Variants in PLXNA3 observed in about 807,000 individuals in gnomAD.
PLXNA3 encodes the protein plexin-A3.
PLXNA3 carries 52 observed loss-of-function variants against 118.8 expected under a neutral mutation model. The observed-to-expected ratio is 0.44, with a 90% CI of 0.35 to 0.55. The LOEUF (loss-of-function observed/expected upper bound fraction) is 0.55, where lower values mean the gene tolerates loss of function less well. PLXNA3 is among the 20% of genes least tolerant of loss of function. The pLI, the probability that PLXNA3 is intolerant of heterozygous loss-of-function variation, is 0.01. For synonymous variants in PLXNA3, 925 were observed against 762.4 expected, an observed-to-expected ratio of 1.21 and a Z score of -3.51; for missense variants, 1,660 against 1,730.8, an observed-to-expected ratio of 0.96 and a Z score of 0.73.
At position 154,470,745 on chromosome X, in the gene PLXNA3, CTGACGG is replaced by C. The variant is rs1427963348; in HGVS notation, c.5156+137_5156+142del. On this transcript the variant is annotated intron_variant, in intron 30 of 32. Transcript: ENST00000369682. ...AATGAGGCCTGGCCTGGGGTTGACA[CTGACGG>C]TGCCATCAAGCCAAGGGGCCTGTTG... is the stretch of plus-strand genomic sequence containing the variant. The C allele has an allele frequency of 1.2e-4, 72 of 604,575 alleles. No individual in the cohort carries two copies. The East Asian group carries it at 2.4e-3, about 20-fold the overall frequency. The allele number at this position is 604,575 out of a possible 1,213,427, so 49.8% of individuals were successfully genotyped here. A position where few individuals can be genotyped will look rare whatever the true frequency, so the allele number is the denominator to read the frequency against.
Position 154,467,217 on chromosome X carries a change from C to T in PLXNA3, c.3202-15C>T, listed in dbSNP as rs782346575. 5.0e-6 allele frequency: 6 copies of T among 1,210,421 alleles called. No individual in the cohort carries two copies. Among genetic ancestry groups the T allele is most frequent in the African/African-American group, 1.7e-5 (1 of 57,973 alleles). ...ATGGCTTCACGTGCCTGGCTGTCCA[C>T]CTTTGTCCCCACAGACATGCCAAGT... On this transcript the variant is annotated splice_polypyrimidine_tract_variant and intron_variant, in intron 18 of 32. Coordinates refer to ENST00000369682, the MANE Select transcript of PLXNA3 (RefSeq NM_017514.5).
chrX:154,464,194 C>G lies in PLXNA3; in HGVS notation c.1709C>G (p.Ala570Gly), dbSNP rs782557318. 4 of 1,209,051 alleles carry G rather than the reference C, an allele frequency of 3.3e-6. No homozygotes were observed. ...CTGCACAACGTGCCAGACCTCAGTGCGGGCGTGAGCTGCGCCTTCGAGGCG... is the reference window on the plus strand; with the variant it reads ...CTGCACAACGTGCCAGACCTCAGTGGGGGCGTGAGCTGCGCCTTCGAGGCG... Reference protein sequence around the residue: ...VTLHNVPDLSAGVSCAFEAAA... With the variant: ...VTLHNVPDLSGGVSCAFEAAA... Residue 570 changes from alanine to glycine, a missense_variant, in exon 8 of 33, where the codon GCG (alanine) becomes GGG (glycine). Physicochemically the swap from Ala to Gly is moderately conservative, Grantham distance 60 (BLOSUM62 0). Coordinates refer to ENST00000369682, the MANE Select transcript of PLXNA3 (RefSeq NM_017514.5).
rs782327650 is a variant in PLXNA3, at chrX:154,465,240, C to G, written c.2244+22C>G. On this transcript the variant is annotated intron_variant, in intron 11 of 32. Transcript: ENST00000369682. ...CTCGGTGAGGTCCCACCCGCTGCCT[C>G]CCTTCGGGGTCTGGGCTGTGGCGTG... 17 of 1,177,966 alleles carry G rather than the reference C, an allele frequency of 1.4e-5. No homozygotes were observed. In the South Asian group the frequency reaches 2.7e-4, roughly 19 times the overall value.
rs782073126 is a variant in PLXNA3, at chrX:154,468,976, G to A, written c.4434+7G>A. On this transcript the variant is annotated splice_region_variant and intron_variant, in intron 25 of 32. Transcript: ENST00000369682. ...GATCGACTACAAGACACTGGTGAGC[G>A]CAGGGCCAGGCGGGCCAGAGGTAGG... 9.9e-6 allele frequency: 12 copies of A among 1,209,811 alleles called. No homozygotes were observed. The South Asian group carries it at 1.1e-4, about 11-fold the overall frequency.
chrX:154,471,294 C>T lies in PLXNA3; in HGVS notation c.5346C>T (p.Pro1782=). The change falls in exon 31 of 33, where the codon CCC becomes CCT. Residue 1782 remains proline (P), a synonymous_variant. Transcript: ENST00000369682. ...AACTGCTCTACGCCAAGGACATCCC[C>T]AACTACAAGAGCTGGGTGGAGAGGT... ...SNKLLYAKDI[P]NYKSWVERYY... is the part of the protein sequence containing the mutation. 8.3e-7 allele frequency: 1 copy of T among 1,211,068 alleles called. No individual in the cohort carries two copies. The highest frequency in any genetic ancestry group is 1.7e-5 in the African/African-American group (1 of 57,834).
intron 17 of PLXNA3, 60 bp from the exon 18 acceptor site, chrX:154,466,997 T>C: frequency 9.6e-7 from 1 of 1,045,841 alleles, no homozygotes; most frequent in Non-Finnish European, 1.3e-6. Context: ...CCTTGATCGC[T>C]CTCCAGGGCT....
rs369832446 is a variant in PLXNA3 at position 154,472,817 on chromosome X, C to T, written c.*132C>T. 2 of 480,922 alleles carry T rather than the reference C, an allele frequency of 4.2e-6. No individual in the cohort carries two copies. The highest frequency in any genetic ancestry group is 2.3e-5 in the African/African-American group (1 of 42,624). 39.6% of individuals were successfully genotyped at this position (480,922 alleles called of 1,213,427 possible). A position where few individuals can be genotyped will look rare whatever the true frequency, so the allele number is the denominator to read the frequency against. ...ATCGTGGGGCAGGTCACCCTGGCCA[C>T]GATGCCCCCGGCACACCCAGGCCCC... On this transcript the variant is annotated 3_prime_UTR_variant, in exon 33 of 33. Transcript: ENST00000369682.
Position 154,470,398 on chromosome X carries a change from C to T in PLXNA3, c.4987-44C>T, listed in dbSNP as rs367953752. 47 of 1,167,201 alleles carry T rather than the reference C, an allele frequency of 4.0e-5. No homozygotes were observed. In the Middle Eastern group the frequency reaches 1.9e-3, roughly 47 times the overall value. ...CATCTGTCCTGCTCTGGGGACATCC[C>T]AACCTGGCTCCCTCATAGCCTGTGA... On this transcript the variant is annotated intron_variant, in intron 29 of 32. Coordinates refer to ENST00000369682, the MANE Select transcript of PLXNA3 (RefSeq NM_017514.5).
Position 154,461,167 on chromosome X carries a change from C to T in PLXNA3, c.663C>T (p.Ala221=), listed in dbSNP as rs782352355. ...IPSDTLSLYP[A]FDIYYIYGFV... Reference sequence around the variant, plus strand: ...CAGACACGCTGTCCTTGTACCCTGCCTTTGACATCTACTACATCTACGGCT... The same window carrying T: ...CAGACACGCTGTCCTTGTACCCTGCTTTTGACATCTACTACATCTACGGCT... Residue 221 remains alanine (A), a synonymous_variant, in exon 3 of 33, where the codon GCC becomes GCT. Coordinates refer to ENST00000369682, the MANE Select transcript of PLXNA3 (RefSeq NM_017514.5). 13 of 1,211,022 alleles carry T rather than the reference C, an allele frequency of 1.1e-5. No homozygotes were observed. The Admixed American group carries it at 1.3e-4, about 12-fold the overall frequency.
chrX:154,471,000 TG>T, intron 30 of PLXNA3, 104 bp from the exon 31 acceptor site: 1 of 624,348 alleles, frequency 1.6e-6, no homozygotes, highest in Non-Finnish European at 2.6e-6. Context: ...TCACCACCTC[TG>T]GACAAGATGT....
chrX:154,467,014 G>A (rs1557207388), intron 17 of PLXNA3, 43 bp from the exon 18 acceptor site: 10 of 1,096,441 alleles, frequency 9.1e-6, no homozygotes, highest in African/African-American at 1.8e-5. Context: ...GGCTGGGTGG[G>A]TGCACTGGAG....
chrX:154,460,089 G>T, intron 1 of PLXNA3, 68 bp from the exon 2 acceptor site: 1 of 586,188 alleles, frequency 1.7e-6, no homozygotes, highest in Non-Finnish European at 2.7e-6. Context: ...CTTTGGCGGG[G>T]TGGTGGGTGA....
chrX:154,474,414 T>G lies in PLXNA3; in HGVS notation c.*1729T>G, dbSNP rs1557210481. ...CCTCACCCCTCAGCCTCCCAAAGTA[T>G]TGGGATTACAGGCATGAGCCACTGT... is the stretch of plus-strand genomic sequence containing the variant. On this transcript the variant is annotated 3_prime_UTR_variant, in exon 33 of 33. Coordinates refer to ENST00000369682, the MANE Select transcript of PLXNA3 (RefSeq NM_017514.5). The G allele has an allele frequency of 9.3e-6, 1 of 107,741 alleles. No individual in the cohort carries two copies. Among genetic ancestry groups the G allele is most frequent in the Non-Finnish European group, 1.9e-5 (1 of 51,910 alleles). 8.9% of individuals were successfully genotyped at this position (107,741 alleles called of 1,213,427 possible).
chrX:154,461,355 G>C lies in PLXNA3; in HGVS notation c.851G>C (p.Trp284Ser). The C allele has an allele frequency of 8.3e-7, 1 of 1,212,010 alleles. No homozygotes were observed. The highest frequency in any genetic ancestry group is 1.1e-6 in the Non-Finnish European group (1 of 895,592). ...SYVEFPIGCS[W>S]RGVEYRLVQS... Reference sequence around the variant, plus strand: ...GTGGAATTCCCCATCGGCTGCTCCTGGCGCGGCGTGGAGTACCGCTTGGTG... The same window carrying C: ...GTGGAATTCCCCATCGGCTGCTCCTCGCGCGGCGTGGAGTACCGCTTGGTG... Residue 284 changes from tryptophan (W) to serine (S), a missense_variant, in exon 3 of 33, where the codon TGG (tryptophan) becomes TCG (serine). Around this residue, in one of 2 missense-constraint regions of PLXNA3, gnomAD observed 791 missense variants for 652.1 expected, o/e 1.21. Transcript: ENST00000369682.
chrX:154,461,258 A>G lies in PLXNA3; in HGVS notation c.754A>G (p.Thr252Ala). The G allele has an allele frequency of 1.6e-6, 2 of 1,212,422 alleles. No homozygotes were observed. Among genetic ancestry groups the G allele is most frequent in the Non-Finnish European group, 1.1e-6 (1 of 895,516 alleles). Reference protein sequence around the residue: ...QLDTQQTLLDTAGEKFFTSKI... With the variant: ...QLDTQQTLLDAAGEKFFTSKI... ...GGACACCCAGCAGACGCTGTTGGAC[A>G]CAGCGGGCGAGAAATTTTTCACGTC... The change falls in exon 3 of 33, where the codon ACA becomes GCA. Residue 252 changes from threonine (T) to alanine (A), a missense_variant. Transcript: ENST00000369682.
Position 154,467,216 on chromosome X carries a change from A to G in PLXNA3, c.3202-16A>G. 1 of 1,209,428 alleles carries G rather than the reference A, an allele frequency of 8.3e-7. No individual in the cohort carries two copies. Reference sequence around the variant, plus strand: ...CATGGCTTCACGTGCCTGGCTGTCCACCTTTGTCCCCACAGACATGCCAAG... The same window carrying G: ...CATGGCTTCACGTGCCTGGCTGTCCGCCTTTGTCCCCACAGACATGCCAAG... On this transcript the variant is annotated splice_polypyrimidine_tract_variant and intron_variant, in intron 18 of 32. Coordinates refer to ENST00000369682, the MANE Select transcript of PLXNA3 (RefSeq NM_017514.5).
In PLXNA3 at chrX:154,466,021, C is replaced by T. The variant is rs1284519269; in HGVS notation, c.2619C>T (p.Gly873=). 4 of 1,209,132 alleles carry T rather than the reference C, an allele frequency of 3.3e-6. No individual in the cohort carries two copies. In the African/African-American group the frequency reaches 5.2e-5, roughly 16 times the overall value. The change falls in exon 14 of 33, where the codon GGC becomes GGT. Residue 873 remains glycine (G), a synonymous_variant. Transcript: ENST00000369682. ...ENLGLLSREV[G]LRVAGVRCNS... ...TGGGCCTCTTGTCCCGAGAGGTGGG[C>T]CTGCGGGTGGCTGGCGTGCGTTGCA... is the stretch of plus-strand genomic sequence containing the variant.
At chrX:154,460,969 C>T in intron 2 of PLXNA3, 130 bp from the exon 3 acceptor site, 1 of 698,239 alleles carries the variant, frequency 1.4e-6, no homozygotes, top group Non-Finnish European at 2.1e-6. Flanking sequence ...TCACCCTGCC[C>T]TCTGCAGCCT....
chrX:154,472,553 C>T (rs1557209798), intron 32 of PLXNA3, 37 bp from the exon 33 acceptor site: 2 of 1,012,913 alleles, frequency 2.0e-6, no homozygotes, highest in Admixed American at 4.4e-5. Flanking sequence ...GCTGCGCCCC[C>T]TACAGAGCCC....
Sources: gnomAD v4.1 joint callset for allele counts on GRCh38, gnomAD v4.1.1 for gene constraint, gnomAD v4.1.1 regional missense constraint, MANE v1.5 for transcripts, NCBI Gene and HGNC (gene_info 2026-07-23, HGNC 2026-07-21) for gene names.